Variants in MADD observed in about 807,000 individuals in gnomAD.
MADD encodes the protein MAP kinase activating death domain, also known as MAP kinase-activating death domain protein.
In MADD, 109 loss-of-function variants were observed where a neutral mutation model predicts 176.7. That is an observed-to-expected ratio of 0.62 (90% CI 0.53 to 0.72). MADD has a LOEUF of 0.72. Ranked by LOEUF, MADD falls within the 30% of genes least tolerant of loss-of-function variation. The pLI is 0.00. For missense variants in MADD, 1,914 were observed against 2,045.5 expected (o/e 0.94, Z 1.24); for synonymous variants, 771 against 771.3 (o/e 1.00, Z 0.01).
chr11:47,315,287 A>G lies in MADD; in HGVS notation c.4157A>G (p.His1386Arg), dbSNP rs766165997. 1.2e-6 allele frequency: 2 copies of G among 1,613,874 alleles called. No individual in the cohort carries two copies. Among genetic ancestry groups the G allele is most frequent in the Non-Finnish European group, 1.7e-6 (2 of 1,179,800 alleles). ...ATGAAGAAGCAGACATTTGTGGTAC[A>G]TGCAGGGACAGATACAAACGGAGAT... Residue 1386 changes from histidine (H) to arginine (R), a missense_variant, in exon 27 of 33, where the codon CAT (histidine) becomes CGT (arginine). Around this residue, in one of 2 missense-constraint regions of MADD, gnomAD observed 1,767 missense variants for 1,836.0 expected, o/e 0.96. Coordinates refer to ENST00000402192, the Ensembl canonical transcript of MADD.
chr11:47,290,221 T>G (rs912329291), exon 18 of MADD: 15 of 1,614,060 alleles, frequency 9.3e-6, no homozygotes, highest in Non-Finnish European at 1.3e-5. Flanking sequence ...GGAGCAGTCC[T>G]ATGCCCACGC....
At chr11:47,303,356 A>G (rs917768792) in intron 22 of MADD, among the ~76,000 whole-genome samples, 1 of 145,636 alleles carries the variant, frequency 6.9e-6, no homozygotes, top group African/African-American at 2.6e-5. Context: ...ATTCTACCTC[A>G]GCCTCCTGAG....
chr11:47,326,723 C>T lies in MADD; in HGVS notation c.4543-15C>T, dbSNP rs942483738. On this transcript the variant is annotated splice_polypyrimidine_tract_variant and intron_variant, in intron 30 of 32. Transcript: ENST00000402192. ...GCCTGTGGGCCTTACCCCGGCCTCC[C>T]TCCCTCTCTTGCAGGTTTTCATAGA... 6.2e-7 allele frequency: 1 copy of T among 1,613,680 alleles called. No individual in the cohort carries two copies. Among genetic ancestry groups the T allele is most frequent in the Non-Finnish European group, 8.5e-7 (1 of 1,179,602 alleles).
chr11:47,285,955 C>G (rs966287481), intron 14 of MADD, among the ~76,000 whole-genome samples: 2 of 152,156 alleles, frequency 1.3e-5, no homozygotes, highest in Non-Finnish European at 2.9e-5. Flanking sequence ...CGGACTCTTC[C>G]ATGAATGTGC....
Position 47,316,443 on chromosome 11 carries a change from C to T in MADD, c.4197+1116C>T, listed in dbSNP as rs576667872. Among the ~76,000 whole-genome samples the T allele has an allele frequency of 1.2e-4, 17 of 142,014 alleles. No individual in the cohort carries two copies. In the South Asian group the frequency reaches 3.5e-3, roughly 29 times the overall value. The allele number at this position is 142,014 out of a possible 152,430, so 93.2% of individuals were successfully genotyped here. A position where few individuals can be genotyped will look rare whatever the true frequency, so the allele number is the denominator to read the frequency against. The stretch of plus-strand genomic sequence containing the variant: ...TCACTCTGTCGCCCAGGCTGGAGTG[C>T]AATGGCTTGATCTCAGCTCACTGCA... On this transcript the variant is annotated intron_variant, in intron 27 of 32. Transcript: ENST00000402192.
At chr11:47,323,555 TA>T in intron 27 of MADD, 115 bp from the exon 31 acceptor site, 1 of 1,025,958 alleles carries the variant, frequency 9.7e-7, no homozygotes, top group Non-Finnish European at 1.5e-6. Flanking sequence ...ACCATGAGCG[TA>T]AGGCAGAAAA....
Position 47,295,924 on chromosome 11 carries a change from G to T in MADD, c.3511G>T (p.Gly1171Ter). The change falls in exon 22 of 33, where the codon GGA (glycine) becomes TGA (stop). Residue 1171 changes from glycine (G) to a stop codon, truncating the protein, a stop_gained. Coordinates refer to ENST00000402192, the Ensembl canonical transcript of MADD. LOFTEE classifies it high-confidence loss of function. ...GAGTAATAGCTCTGGAGAGACCCTT[G>T]GAGCTGACAGTGACTTGAGCAGCAA... The T allele has an allele frequency of 6.2e-7, 1 of 1,614,060 alleles. No individual in the cohort carries two copies. The highest frequency in any genetic ancestry group is 2.2e-5 in the East Asian group (1 of 44,882).
In MADD at chr11:47,274,982, G is replaced by A. The variant is rs61733162; in HGVS notation, c.482G>A (p.Arg161His). ...GTGAACCAGTCTCCTCGGGGCAAAC[G>A]CCGGGCCAAGGCGGGGAGCCGCTCC... The change falls in exon 3 of 33, where the codon CGC becomes CAC. Residue 161 changes from arginine (R) to histidine (H), a missense_variant. Around this residue, in one of 2 missense-constraint regions of MADD, gnomAD observed 1,767 missense variants for 1,836.0 expected, o/e 0.96. Transcript: ENST00000402192. 2,158 of 1,614,138 alleles carry A rather than the reference G, an allele frequency of 1.3e-3. 21 individuals are homozygous for A. In the African/African-American group the frequency reaches 0.025, roughly 18 times the overall value.
In MADD at chr11:47,275,865, C is replaced by G. The variant is rs372304361; in HGVS notation, c.660-34C>G. 11 of 1,571,910 alleles carry G rather than the reference C, an allele frequency of 7.0e-6. No individual in the cohort carries two copies. In the African/African-American group the frequency reaches 1.3e-4, roughly 19 times the overall value. ...TGCAGTAGGGTATCAGCTTCTGATG[C>G]TAATGTGTCTGATTCCTGCTGTCTG... On this transcript the variant is annotated intron_variant, in intron 3 of 32. Transcript: ENST00000402192.
intron 27 of MADD, among the ~76,000 whole-genome samples, chr11:47,319,935 G>A (rs2094085668): frequency 7.0e-6 from 1 of 142,676 alleles, no homozygotes; most frequent in African/African-American, 2.6e-5. Flanking sequence ...AGGTTGCAGT[G>A]AGCCGAGATC....
exon 5 of MADD, chr11:47,276,837 C>G: frequency 7.4e-6 from 12 of 1,614,162 alleles, no homozygotes; most frequent in Non-Finnish European, 1.0e-5. Flanking sequence ...CCCGCTGCTA[C>G]CCACCTGCAT....
chr11:47,271,166 A>C (rs1045922140), intron 1 of MADD: 1 of 152,256 alleles, frequency 6.6e-6, no homozygotes, highest in African/African-American at 2.4e-5. Flanking sequence ...GAAGATAGGA[A>C]CCAGAGGCTC....
chr11:47,280,878 T>C (rs2055995273), intron 7 of MADD, among the ~76,000 whole-genome samples: 1 of 152,236 alleles, frequency 6.6e-6, no homozygotes. Context: ...GAATTATATT[T>C]TAAATGTTTG....
exon 3 of MADD, chr11:47,274,950 C>T (rs570996075): frequency 3.7e-6 from 6 of 1,614,112 alleles, no homozygotes; most frequent in East Asian, 2.2e-5. Context: ...CTGACTCTAC[C>T]CCTGATGTGA....
At chr11:47,311,381 C>CT in intron 25 of MADD, among the ~76,000 whole-genome samples, 1 of 152,308 alleles carries the variant, frequency 6.6e-6, no homozygotes, top group East Asian at 1.9e-4. Context: ...TGTTGCCACT[C>CT]TAAGTCATTG....
chr11:47,308,905 C>A, intron 23 of MADD, 75 bp from the exon 26 acceptor site: 1 of 1,422,838 alleles, frequency 7.0e-7, no homozygotes, highest in Non-Finnish European at 9.9e-7. Context: ...TGGTGTTAAT[C>A]AACAGCCTTT....
At chr11:47,282,760 C>T in intron 9 of MADD, 53 bp from the exon 10 acceptor site, 2 of 1,603,290 alleles carry the variant, frequency 1.2e-6, no homozygotes, top group Non-Finnish European at 1.7e-6. Flanking sequence ...TCAGGCGTTG[C>T]TTGCCTTTTT....
chr11:47,306,963 G>C (rs182366628), intron 22 of MADD, among the ~76,000 whole-genome samples: 1 of 152,062 alleles, frequency 6.6e-6, no homozygotes, highest in Admixed American at 6.6e-5. Flanking sequence ...ATGGCTTGGT[G>C]CAGTCATGGC....
chr11:47,289,779 C>A, intron 16 of MADD, 88 bp from the exon 18 acceptor site: 1 of 1,449,668 alleles, frequency 6.9e-7, no homozygotes, highest in Non-Finnish European at 9.5e-7. Context: ...TGTTTTACCC[C>A]TGGAGGCAGA....
Sources: gnomAD v4.1 joint callset for allele counts (sites outside exome capture counted in the v4.1 genomes callset) on GRCh38, gnomAD v4.1.1 for gene constraint, gnomAD v4.1.1 regional missense constraint, MANE v1.5 for transcripts, NCBI Gene and HGNC (gene_info 2026-07-23, HGNC 2026-07-21) for gene names.